GDF1: variants seen among roughly 807,000 people sequenced by gnomAD.
GDF1 encodes embryonic growth/differentiation factor 1.
In GDF1, 8 loss-of-function variants were observed where a neutral mutation model predicts 7.4. The ratio of observed to expected loss-of-function variants is 1.09; its 90% CI spans 0.64 to 1.96. The LOEUF is 1.96. Among genes scored for constraint, GDF1 ranks in the 30% most tolerant of loss-of-function variants. The pLI is 0.00. For missense variants in GDF1, 574 were observed against 551.5 expected, an observed-to-expected ratio of 1.04 and a Z score of -0.41; for synonymous variants, 311 against 276.7, an observed-to-expected ratio of 1.12 and a Z score of -1.23.
Position 18,895,933 on chromosome 19 carries a change from C to A in GDF1, c.-1183G>T, listed in dbSNP as rs1199456812. On this transcript the variant is annotated 5_prime_UTR_variant, in exon 1 of 8. Coordinates refer to ENST00000247005, the MANE Select transcript of GDF1 (RefSeq NM_001492.6). The surrounding 1 kb of genome is among the most constrained non-coding windows in gnomAD (Gnocchi z 6.4). ...CAGGTGCGCGTGCTCAGCCAGGCCG[C>A]GACGCGCCAGCCCCCAGCCGCAGTC... 1 of 1,199,352 alleles carries A rather than the reference C, an allele frequency of 8.3e-7. No homozygotes were observed. 74.3% of individuals were successfully genotyped at this position (1,199,352 alleles called of 1,614,324 possible).
At position 18,870,407 on chromosome 19, in the gene GDF1, T is replaced by TG; in HGVS notation, c.-101dup. The TG allele has an allele frequency of 1.8e-6, 2 of 1,084,356 alleles. No homozygotes were observed. Among genetic ancestry groups the TG allele is most frequent in the Non-Finnish European group, 2.4e-6 (2 of 823,326 alleles). The allele number at this position is 1,084,356 out of a possible 1,614,324, so 67.2% of individuals were successfully genotyped here. A position where few individuals can be genotyped will look rare whatever the true frequency, so the allele number is the denominator to read the frequency against. ...GGTGTCCCCGGAGGGGCAGGGGTCC[T>TG]GGGGGGCGTGGCCGGGAACTGGAGG... On this transcript the variant is annotated 5_prime_UTR_variant, in exon 7 of 8. Coordinates refer to ENST00000247005, the MANE Select transcript of GDF1 (RefSeq NM_001492.6). The surrounding 1 kb of genome is among the most constrained non-coding windows in gnomAD (Gnocchi z 5.1).
At chr19:18,889,650 G>C (rs1321290020) in intron 2 of GDF1, among the ~76,000 whole-genome samples, 1 of 151,996 alleles carries the variant, frequency 6.6e-6, no homozygotes, top group Non-Finnish European at 1.5e-5. Flanking sequence ...GGTTGGTCTC[G>C]AACTCCTGGG....
chr19:18,877,240 A>T (rs1450537682), intron 6 of GDF1, among the ~76,000 whole-genome samples: 1 of 152,194 alleles, frequency 6.6e-6, no homozygotes, highest in Non-Finnish European at 1.5e-5. Context: ...TTCTGATGAG[A>T]CATCCTCAGC....
chr19:18,885,558 A>C (rs1424018868), intron 2 of GDF1, among the ~76,000 whole-genome samples: 1 of 124,276 alleles, frequency 8.0e-6, no homozygotes, highest in African/African-American at 3.2e-5. Context: ...CTTGCTCTGT[A>C]GCCCAGGCTG....
intron 4 of GDF1, among the ~76,000 whole-genome samples, chr19:18,879,664 C>T (rs1179133468): frequency 2.7e-5 from 4 of 149,390 alleles, no homozygotes; most frequent in African/African-American, 7.4e-5. Flanking sequence ...AGTCCCTCCC[C>T]TTCTCTGCTA....
In GDF1 at chr19:18,870,058, CT is replaced by C. The variant is rs1266267305; in HGVS notation, c.249del (p.Val85SerfsTer81). ...ETRSGSRRTSPGVTLQPCHVE... is the reference protein window; with the variant it reads ...ETRSGSRRTSXGVTLQPCHVE... ...ACGTGGCACGGTTGCAGGGTGACCC[CT>C]GGGGACGTCCGCCGCGAGCCAGACC... On this transcript the variant is annotated frameshift_variant, in exon 7 of 8. Transcript: ENST00000247005. LOFTEE classifies it high-confidence loss of function. This position sits in a 1 kb window ranked among gnomAD's most constrained non-coding sequence, Gnocchi z 5.1. 6.3e-7 allele frequency: 1 copy of C among 1,588,206 alleles called. No homozygotes were observed. The highest frequency in any genetic ancestry group is 8.5e-7 in the Non-Finnish European group (1 of 1,171,710).
intron 6 of GDF1, chr19:18,877,985 CAG>C (rs2056092925): frequency 1.0e-6 from 1 of 985,380 alleles, no homozygotes; most frequent in African/African-American, 1.7e-5. Flanking sequence ...CCCTTCCAAA[CAG>C]GGTGGGGGGT....
chr19:18,887,011 G>T (rs543553778), intron 2 of GDF1, among the ~76,000 whole-genome samples: 7 of 152,328 alleles, frequency 4.6e-5, no homozygotes, highest in Non-Finnish European at 8.8e-5. Context: ...AAGTCCACTA[G>T]GGTGTGTGCC....
In GDF1 at chr19:18,880,492, T is replaced by C. The variant is rs1316794663; in HGVS notation, c.-732-57A>G. ...AGCTCACATTGGGGGACCTCCACTCTGCACTAAGGCCCCCAGCAGAGTCCC... is the reference window on the plus strand; with the variant it reads ...AGCTCACATTGGGGGACCTCCACTCCGCACTAAGGCCCCCAGCAGAGTCCC... On this transcript the variant is annotated intron_variant, in intron 3 of 7. Transcript: ENST00000247005. The C allele has an allele frequency of 1.1e-5, 17 of 1,485,582 alleles. No individual in the cohort carries two copies. The South Asian group carries it at 2.0e-4, about 17-fold the overall frequency. 92.0% of individuals were successfully genotyped at this position (1,485,582 alleles called of 1,614,324 possible).
In GDF1 at chr19:18,895,151, G is replaced by A. The variant is rs555747519; in HGVS notation, c.-1074+673C>T. Among the ~76,000 whole-genome samples, 510 of 152,374 alleles carry A rather than the reference G, an allele frequency of 3.3e-3. 1 individual carries two copies. The highest frequency in any genetic ancestry group is 0.012 in the African/African-American group (489 of 41,588). On this transcript the variant is annotated intron_variant, in intron 1 of 7. Coordinates refer to ENST00000247005, the MANE Select transcript of GDF1 (RefSeq NM_001492.6). The surrounding 1 kb of genome is among the most constrained non-coding windows in gnomAD (Gnocchi z 6.4). ...CACCTCCAAGGGAGCGACCACTGGC[G>A]TGGCCAGAGCACCCAGGCCCTTGCC...
intron 2 of GDF1, among the ~76,000 whole-genome samples, chr19:18,887,571 CCT>C (rs1437008982): frequency 6.6e-6 from 1 of 151,896 alleles, no homozygotes; most frequent in Non-Finnish European, 1.5e-5. Flanking sequence ...ATGGCGAAAC[CCT>C]GTCTGTACTA....
chr19:18,869,165 C>T lies in GDF1; in HGVS notation c.551G>A (p.Arg184His). The T allele has an allele frequency of 3.5e-6, 4 of 1,137,696 alleles. No individual in the cohort carries two copies. Among genetic ancestry groups the T allele is most frequent in the Non-Finnish European group, 4.3e-6 (4 of 927,524 alleles). 70.5% of individuals were successfully genotyped at this position (1,137,696 alleles called of 1,614,324 possible). ...AGADPGPVLL[R>H]QLVPALGPPV... Reference sequence around the variant, plus strand: ...CGGCCCCAGGGCGGGCACCAACTGGCGGAGCAGCACCGGCCCGGGGTCCGC... The same window carrying T: ...CGGCCCCAGGGCGGGCACCAACTGGTGGAGCAGCACCGGCCCGGGGTCCGC... Residue 184 changes from arginine to histidine, a missense_variant, in exon 8 of 8, where the codon CGC becomes CAC. Coordinates refer to ENST00000247005, the MANE Select transcript of GDF1 (RefSeq NM_001492.6).
chr19:18,878,299 C>A lies in GDF1; in HGVS notation c.-313+631G>T, dbSNP rs572083411. On this transcript the variant is annotated intron_variant, in intron 6 of 7. Transcript: ENST00000247005. The surrounding 1 kb of genome is among the most constrained non-coding windows in gnomAD (Gnocchi z 4.6). ...CCGTTCATCCCTGGCCCAGACACCC[C>A]CTGCCTGCCCCAGGCCTGGGGCTTC... 3.4e-5 allele frequency: 34 copies of A among 986,046 alleles called. No homozygotes were observed. In the South Asian group the frequency reaches 1.3e-3, roughly 37 times the overall value. The allele number at this position is 986,046 out of a possible 1,614,324, so 61.1% of individuals were successfully genotyped here.
intron 3 of GDF1, chr19:18,881,965 A>C (rs971259109): frequency 4.6e-5 from 7 of 152,230 alleles, no homozygotes; most frequent in African/African-American, 1.7e-4. Context: ...ACTCATCACC[A>C]TGCCCAGCTA....
Position 18,868,739 on chromosome 19 carries a change from G to A in GDF1, c.977C>T (p.Ala326Val). The A allele has an allele frequency of 6.5e-7, 1 of 1,526,918 alleles. No individual in the cohort carries two copies. Among genetic ancestry groups the A allele is most frequent in the Non-Finnish European group, 8.8e-7 (1 of 1,133,036 alleles). 94.6% of individuals were successfully genotyped at this position (1,526,918 alleles called of 1,614,324 possible). Reference protein sequence around the residue: ...NHAVLRALMHAAAPGAADLPC... With the variant: ...NHAVLRALMHVAAPGAADLPC... ...CAGGTCGGCGGCTCCCGGGGCGGCC[G>A]CGTGCATGAGCGCGCGCAGCACAGC... is the stretch of plus-strand genomic sequence containing the variant. Residue 326 changes from alanine (A) to valine (V), a missense_variant, in exon 8 of 8, where the codon GCG becomes GTG. By Grantham distance (64) the Ala-to-Val change is moderately conservative. Transcript: ENST00000247005.
chr19:18,880,515 C>A, intron 3 of GDF1, 80 bp from the exon 4 acceptor site: 2 of 1,377,846 alleles, frequency 1.5e-6, no homozygotes, highest in South Asian at 1.4e-5. Flanking sequence ...CCAGCAGAGT[C>A]CCTGGGCTAC....
chr19:18,893,508 A>C lies in GDF1; in HGVS notation c.-1006T>G, dbSNP rs1489696928. ...GCTCCAGCTGCCCAGGTAGAAGAGA[A>C]ACTTCCAAGCGCTCTCGGGCATCTT... On this transcript the variant is annotated 5_prime_UTR_variant, in exon 2 of 8. Transcript: ENST00000247005. 2 of 1,610,396 alleles carry C rather than the reference A, an allele frequency of 1.2e-6. No homozygotes were observed. Among genetic ancestry groups the C allele is most frequent in the Non-Finnish European group, 1.7e-6 (2 of 1,178,626 alleles).
intron 1 of GDF1, among the ~76,000 whole-genome samples, chr19:18,894,667 G>T (rs2056581976): frequency 6.6e-6 from 1 of 152,118 alleles, no homozygotes; most frequent in African/African-American, 2.4e-5. Flanking sequence ...AAAGACCACT[G>T]CGGACCCAGG....
intron 2 of GDF1, among the ~76,000 whole-genome samples, chr19:18,887,874 A>G (rs1311089938): frequency 6.6e-6 from 1 of 152,068 alleles, no homozygotes; most frequent in Admixed American, 6.6e-5. Context: ...TTCTTCCCCA[A>G]TGGAACAGTC....
Sources: gnomAD v4.1 joint callset for allele counts (sites outside exome capture counted in the v4.1 genomes callset) on GRCh38, gnomAD v4.1.1 for gene constraint, Gnocchi (gnomAD v3.1) non-coding constraint, MANE v1.5 for transcripts, NCBI Gene and HGNC (gene_info 2026-07-23, HGNC 2026-07-21) for gene names.